CYB561D1: variants seen among roughly 807,000 people sequenced by gnomAD.
CYB561D1 encodes probable transmembrane reductase CYB561D1.
A neutral mutation model predicts 19.2 loss-of-function variants in CYB561D1; 15 were observed. That is an observed-to-expected ratio of 0.78 (90% confidence interval 0.52 to 1.20). CYB561D1 has a LOEUF of 1.20. Ranked by LOEUF, CYB561D1 falls within the 50% of genes most tolerant of loss-of-function variation. The probability of loss-of-function intolerance (pLI) is 0.00; values close to 1 mark genes in which losing one functional copy is unlikely to be tolerated. For missense variants in CYB561D1, 297 were observed against 287.3 expected (o/e 1.03, Z -0.24); for synonymous variants, 133 against 120.6 (o/e 1.10, Z -0.68).
rs1391722094 is a variant in CYB561D1, at chr1:109,495,313, C to T, written c.186+133C>T. ...AGGAAACATCTAGGGCTCATCTTTC[C>T]CTGCAGCCTATGGGATTGGGAAACC... On this transcript the variant is annotated intron_variant, in intron 2 of 2. Coordinates refer to ENST00000420578, the MANE Select transcript of CYB561D1 (RefSeq NM_182580.3). 1.7e-5 allele frequency: 19 copies of T among 1,106,536 alleles called. No homozygotes were observed. In the East Asian group the frequency reaches 4.2e-4, roughly 25 times the overall value. The allele number at this position is 1,106,536 out of a possible 1,614,324, so 68.5% of individuals were successfully genotyped here.
At chr1:109,494,380 C>G in intron 1 of CYB561D1, 93 bp downstream of exon 1, 1 of 1,523,434 alleles carries the variant, frequency 6.6e-7, no homozygotes, top group Non-Finnish European at 8.8e-7. Context: ...AGGAGGGACC[C>G]CAGCAGTAAA....
rs901244901 is a variant in CYB561D1, at chr1:109,497,486, C to A, written c.*1227C>A. On this transcript the variant is annotated 3_prime_UTR_variant, in exon 3 of 3. Transcript: ENST00000420578. ...GACTCTCTTCCCTCCAGAGACCACC[C>A]CGCTCCTTGCTGCAGCTGAAAGTAG... 6.6e-6 allele frequency: 1 copy of A among 152,352 alleles called. No individual in the cohort carries two copies. The highest frequency in any genetic ancestry group is 2.4e-5 in the African/African-American group (1 of 41,434). 9.4% of individuals were successfully genotyped at this position (152,352 alleles called of 1,614,324 possible).
At position 109,496,094 on chromosome 1, in the gene CYB561D1, G is replaced by T; in HGVS notation, c.525G>T (p.Leu175=). The stretch of plus-strand genomic sequence containing the variant: ...TGACATGTGGACTGGTGGTCTACCT[G>T]ATGGCTACAGTAACGGTGCTTCTGG... ...YHLTCGLVVY[L]MATVTVLLGM... is the part of the protein sequence containing the mutation. Residue 175 remains leucine, a synonymous_variant, in exon 3 of 3, where the codon CTG becomes CTT. Transcript: ENST00000420578. The T allele has an allele frequency of 6.2e-7, 1 of 1,614,186 alleles. No individual in the cohort carries two copies. The highest frequency in any genetic ancestry group is 8.5e-7 in the Non-Finnish European group (1 of 1,180,022).
chr1:109,494,146 C>T lies in CYB561D1; in HGVS notation c.7C>T (p.Pro3Ser), dbSNP rs950166006. ...GGGCCCGCGGGCCACGGCCATGCAG[C>T]CCCTGGAGGTAGGTCTGGTTCCCGC... MQPLEVGLVPAPA... is the reference protein window; with the variant it reads MQSLEVGLVPAPA... The change falls in exon 1 of 3, where the codon CCC becomes TCC. Residue 3 changes from proline (P) to serine (S), a missense_variant. Pro to Ser is a moderately conservative substitution (Grantham distance 74). Transcript: ENST00000420578. 7.9e-6 allele frequency: 12 copies of T among 1,526,704 alleles called. No homozygotes were observed. The highest frequency in any genetic ancestry group is 4.1e-5 in the Admixed American group (2 of 48,480). The allele number at this position is 1,526,704 out of a possible 1,614,324, so 94.6% of individuals were successfully genotyped here.
rs1477282070 is a variant in CYB561D1 at position 109,496,321 on chromosome 1, A to G, written c.*62A>G. On this transcript the variant is annotated 3_prime_UTR_variant, in exon 3 of 3. Transcript: ENST00000420578. ...CTTGAACATCATGGTTCCTTTGGTG[A>G]TCTATAAGGGATCTATTTAAGAAGT... The G allele has an allele frequency of 3.3e-6, 5 of 1,506,280 alleles. No homozygotes were observed. Among genetic ancestry groups the G allele is most frequent in the Non-Finnish European group, 4.5e-6 (5 of 1,122,200 alleles). The allele number at this position is 1,506,280 out of a possible 1,614,324, so 93.3% of individuals were successfully genotyped here. A position where few individuals can be genotyped will look rare whatever the true frequency, so the allele number is the denominator to read the frequency against.
In CYB561D1 at chr1:109,496,255, T is replaced by A; in HGVS notation, c.686T>A (p.Met229Lys). 3 of 1,569,834 alleles carry A rather than the reference T, an allele frequency of 1.9e-6. No individual in the cohort carries two copies. Among genetic ancestry groups the A allele is most frequent in the African/African-American group, 1.4e-5 (1 of 74,058 alleles). Reference protein sequence around the residue: ...RSYLPRKKMEM With the variant: ...RSYLPRKKMEK ...TACTTGCCGAGGAAGAAAATGGAAA[T>A]GTGAGTTCCTGCGAACGCTGAATCT... Residue 229 changes from methionine to lysine, a missense_variant, in exon 3 of 3, where the codon ATG (methionine) becomes AAG (lysine). Met to Lys is a moderately conservative substitution (Grantham distance 95). Coordinates refer to ENST00000420578, the MANE Select transcript of CYB561D1 (RefSeq NM_182580.3).
In CYB561D1 at chr1:109,496,082, G is replaced by A. The variant is rs996945655; in HGVS notation, c.513G>A (p.Leu171=). Residue 171 remains leucine (L), a synonymous_variant, in exon 3 of 3, where the codon CTG becomes CTA. Coordinates refer to ENST00000420578, the MANE Select transcript of CYB561D1 (RefSeq NM_182580.3). ...RLKLYHLTCG[L]VVYLMATVTV... is the part of the protein sequence containing the mutation. ...AGCTCTACCATCTGACATGTGGACT[G>A]GTGGTCTACCTGATGGCTACAGTAA... The A allele has an allele frequency of 1.2e-6, 2 of 1,614,144 alleles. No individual in the cohort carries two copies. Among genetic ancestry groups the A allele is most frequent in the Non-Finnish European group, 1.7e-6 (2 of 1,180,002 alleles).
In CYB561D1 at chr1:109,495,806, C is replaced by T; in HGVS notation, c.237C>T (p.Ser79=). ...TCCTACTCTTCTCACCTGAACACTC[C>T]CTGTTCTTCTTCTGCTCCCGAAAAG... ...EAILLFSPEH[S]LFFFCSRKAR... is the part of the protein sequence containing the mutation. The change falls in exon 3 of 3, where the codon TCC becomes TCT. Residue 79 remains serine (S), a synonymous_variant. Coordinates refer to ENST00000420578, the MANE Select transcript of CYB561D1 (RefSeq NM_182580.3). 5 of 1,614,128 alleles carry T rather than the reference C, an allele frequency of 3.1e-6. No individual in the cohort carries two copies. Among genetic ancestry groups the T allele is most frequent in the South Asian group, 1.1e-5 (1 of 91,084 alleles).
At position 109,495,167 on chromosome 1, in the gene CYB561D1, T is replaced by G. The variant is rs759420509; in HGVS notation, c.173T>G (p.Phe58Cys). ...GGTCTTTTCTCCTGGCACCCTGTATTCATGGCCTTGGCGGTGAGTTTAGGC... is the reference window on the plus strand; with the variant it reads ...GGTCTTTTCTCCTGGCACCCTGTATGCATGGCCTTGGCGGTGAGTTTAGGC... ...GTSLFSWHPV[F>C]MALAFCLCMA... Residue 58 changes from phenylalanine (F) to cysteine (C), a missense_variant, in exon 2 of 3, where the codon TTC (phenylalanine) becomes TGC (cysteine). Phe to Cys is a radical substitution (Grantham distance 205, BLOSUM62 -2). Transcript: ENST00000420578. The G allele has an allele frequency of 1.2e-6, 2 of 1,614,262 alleles. No homozygotes were observed. Among genetic ancestry groups the G allele is most frequent in the Non-Finnish European group, 1.7e-6 (2 of 1,180,050 alleles).
chr1:109,495,620 G>A (rs1042882711), intron 2 of CYB561D1, 136 bp from the exon 3 acceptor site: 1 of 1,517,582 alleles, frequency 6.6e-7, no homozygotes, highest in Non-Finnish European at 8.9e-7. Flanking sequence ...ATGTTGAGCT[G>A]TGAGGCTGGT....
At position 109,494,177 on chromosome 1, in the gene CYB561D1, C is replaced by G; in HGVS notation, c.38C>G (p.Ala13Gly). 6.4e-7 allele frequency: 1 copy of G among 1,550,704 alleles called. No individual in the cohort carries two copies. The highest frequency in any genetic ancestry group is 2.4e-5 in the East Asian group (1 of 41,082). The change falls in exon 1 of 3, where the codon GCT becomes GGT. Residue 13 changes from alanine to glycine, a missense_variant. Transcript: ENST00000420578. ...GAGGTAGGTCTGGTTCCCGCTCCAG[C>G]TGGGGAGCCGAGACTGACCCGCTGG... ...PLEVGLVPAP[A>G]GEPRLTRWLR...
Position 109,496,514 on chromosome 1 carries a change from G to A in CYB561D1, c.*255G>A, listed in dbSNP as rs1657575715. 3 of 346,494 alleles carry A rather than the reference G, an allele frequency of 8.7e-6. No individual in the cohort carries two copies. Among genetic ancestry groups the A allele is most frequent in the Non-Finnish European group, 1.0e-5 (2 of 192,206 alleles). 21.5% of individuals were successfully genotyped at this position (346,494 alleles called of 1,614,324 possible). Reference sequence around the variant, plus strand: ...TACTTGATGAGAGACAGAGTTTTGGGTGGTGATAGTGATGTGCTGGTGGTC... The same window carrying A: ...TACTTGATGAGAGACAGAGTTTTGGATGGTGATAGTGATGTGCTGGTGGTC... On this transcript the variant is annotated 3_prime_UTR_variant, in exon 3 of 3. Coordinates refer to ENST00000420578, the MANE Select transcript of CYB561D1 (RefSeq NM_182580.3).
At chr1:109,495,575 TGCACTCAAG>T in intron 2 of CYB561D1, 172 bp from the exon 3 acceptor site, 2 of 1,153,304 alleles carry the variant, frequency 1.7e-6, no homozygotes, top group Non-Finnish European at 2.4e-6. Flanking sequence ...TGAGGAGACG[TGCACTCAAG>T]TGCTGATTCC....
intron 1 of CYB561D1, chr1:109,494,535 T>C (rs1657385025): frequency 1.3e-6 from 2 of 1,500,160 alleles, no homozygotes; most frequent in Non-Finnish European, 1.8e-6. Context: ...GGTCCCCTGA[T>C]GGAGGATAGA....
Position 109,496,109 on chromosome 1 carries a change from G to T in CYB561D1, c.540G>T (p.Thr180=), listed in dbSNP as rs114443422. 1.1e-4 allele frequency: 173 copies of T among 1,614,196 alleles called. No individual in the cohort carries two copies. The African/African-American group carries it at 1.9e-3, about 18-fold the overall frequency. The part of the protein sequence containing the change: ...GLVVYLMATV[T]VLLGMYSVWF... ...TGGTCTACCTGATGGCTACAGTAAC[G>T]GTGCTTCTGGGCATGTACTCAGTAT... The change falls in exon 3 of 3, where the codon ACG becomes ACT. Residue 180 remains threonine (T), a synonymous_variant. Transcript: ENST00000420578.
intron 1 of CYB561D1, 72 bp downstream of exon 1, chr1:109,494,359 G>A (rs1657363372): frequency 1.3e-6 from 2 of 1,518,748 alleles, no homozygotes; most frequent in Middle Eastern, 1.7e-4. Context: ...TGGGAGCCCC[G>A]GGAGACTTGG....
rs1427027211 is a variant in CYB561D1, at chr1:109,496,887, A to G, written c.*628A>G. ...GGTAGTTCTTTACTCTCCCTTTACT[A>G]CCCTGGAGGGACAGCTCTGCCCTTG... On this transcript the variant is annotated 3_prime_UTR_variant, in exon 3 of 3. Transcript: ENST00000420578. 2 of 152,392 alleles carry G rather than the reference A, an allele frequency of 1.3e-5. No individual in the cohort carries two copies. The highest frequency in any genetic ancestry group is 4.8e-5 in the African/African-American group (2 of 41,326). The allele number at this position is 152,392 out of a possible 1,614,324, so 9.4% of individuals were successfully genotyped here.
In CYB561D1 at chr1:109,497,756, T is replaced by C. The variant is rs931804099; in HGVS notation, c.*1497T>C. 1 of 152,302 alleles carries C rather than the reference T, an allele frequency of 6.6e-6. No individual in the cohort carries two copies. Among genetic ancestry groups the C allele is most frequent in the African/African-American group, 2.4e-5 (1 of 41,448 alleles). 9.4% of individuals were successfully genotyped at this position (152,302 alleles called of 1,614,324 possible). ...TTCCTAGATGTTAGTGTTGTGGATG[T>C]CCTTGGTCTTCTGAAGATTCAGGTC... On this transcript the variant is annotated 3_prime_UTR_variant, in exon 3 of 3. Transcript: ENST00000420578.
At chr1:109,494,409 G>C in intron 1 of CYB561D1, 122 bp downstream of exon 1, 1 of 1,538,818 alleles carries the variant, frequency 6.5e-7, no homozygotes, top group Non-Finnish European at 8.8e-7. Context: ...AGAAACAGTG[G>C]AGGGATTTTG....
Sources: gnomAD v4.1 joint callset for allele counts on GRCh38, gnomAD v4.1.1 for gene constraint, MANE v1.5 for transcripts, NCBI Gene and HGNC (gene_info 2026-07-23, HGNC 2026-07-21) for gene names.